CES3: variants seen among roughly 807,000 people sequenced by gnomAD.
The protein encoded by CES3 is carboxylesterase 3.
CES3 carries 49 observed loss-of-function variants against 57.6 expected under a neutral mutation model. The ratio of observed to expected loss-of-function variants is 0.85; its 90% confidence interval spans 0.68 to 1.08. The LOEUF (loss-of-function observed/expected upper bound fraction) is 1.08. Ranked by LOEUF, CES3 falls within the 50% of genes least tolerant of loss-of-function variation. CES3 has a pLI of 0.00. For missense variants in CES3, 645 were observed against 742.0 expected (o/e 0.87, Z 1.52); for synonymous variants, 266 against 281.6 (o/e 0.94, Z 0.55).
chr16:66,964,090 C>G (rs1963694785), intron 4 of CES3, among the ~76,000 whole-genome samples, 155 bp downstream of exon 4: 1 of 152,184 alleles, frequency 6.6e-6, no homozygotes. Context: ...AGCCTCCACC[C>G]TGGGAGAGGG....
At chr16:66,966,200 C>T in intron 6 of CES3, 44 bp from the exon 7 acceptor site, 1 of 1,569,752 alleles carries the variant, frequency 6.4e-7, no homozygotes, top group Non-Finnish European at 8.7e-7. Flanking sequence ...CAAGGTGGGG[C>T]TGAGTGGCTG....
chr16:66,967,650 T>TAGAAGACAG (rs1390961959), intron 8 of CES3: 5 of 984,614 alleles, frequency 5.1e-6, no homozygotes, highest in Non-Finnish European at 6.0e-6. Context: ...CTTATTCTTC[T>TAGAAGACAG]ACCCATCTTC....
chr16:66,974,321 C>G lies in CES3; in HGVS notation c.*1272C>G, dbSNP rs545342002. ...GAACCGGGGCTGCGCGCAGCGCTTG[C>G]GGGCCAGAGTGAGTTCCGGGTGGGC... is the stretch of plus-strand genomic sequence containing the variant. On this transcript the variant is annotated 3_prime_UTR_variant, in exon 13 of 13. Coordinates refer to ENST00000303334, the MANE Select transcript of CES3 (RefSeq NM_024922.6). 6.6e-6 allele frequency: 1 copy of G among 152,456 alleles called. No homozygotes were observed. Among genetic ancestry groups the G allele is most frequent in the East Asian group, 1.9e-4 (1 of 5,188 alleles). 9.4% of individuals were successfully genotyped at this position (152,456 alleles called of 1,614,324 possible).
chr16:66,963,256 G>C lies in CES3; in HGVS notation c.160G>C (p.Asp54His), dbSNP rs374958443. 2.5e-6 allele frequency: 4 copies of C among 1,613,982 alleles called. No homozygotes were observed. In the African/African-American group the frequency reaches 5.3e-5, roughly 22 times the overall value. ...RGRQVGVKGT[D>H]RLVNVFLGIP... ...CCGGCAGGTGGGCGTGAAGGGCACA[G>C]ACCGCCTTGTGAATGTCTTTCTGGG... is the stretch of plus-strand genomic sequence containing the variant. The change falls in exon 2 of 13, where the codon GAC (aspartate) becomes CAC (histidine). Residue 54 changes from aspartate (D) to histidine (H), a missense_variant. Asp to His is a moderately conservative substitution (Grantham distance 81). Coordinates refer to ENST00000303334, the MANE Select transcript of CES3 (RefSeq NM_024922.6). This position sits in a 1 kb window ranked among gnomAD's most constrained non-coding sequence, Gnocchi z 4.9.
At chr16:66,972,092 A>C (rs762333371) in intron 10 of CES3, among the ~76,000 whole-genome samples, 1 of 152,170 alleles carries the variant, frequency 6.6e-6, no homozygotes, top group Non-Finnish European at 1.5e-5. Context: ...AGCTGTGATC[A>C]TGCCACTGCA....
intron 6 of CES3, 117 bp from the exon 7 acceptor site, chr16:66,966,127 G>T: frequency 2.2e-6 from 2 of 890,682 alleles, no homozygotes; most frequent in Non-Finnish European, 3.5e-6. Flanking sequence ...TCTCGAGGCC[G>T]ATCTGTGACA....
intron 9 of CES3, 104 bp downstream of exon 9, chr16:66,969,863 G>T: frequency 1.0e-6 from 1 of 960,286 alleles, no homozygotes. Flanking sequence ...GACACCCACA[G>T]CTACCCACCT....
chr16:66,967,813 G>A (rs1963759627), intron 8 of CES3: 1 of 946,170 alleles, frequency 1.1e-6, no homozygotes, highest in South Asian at 4.9e-5. Context: ...CCAGGCTGCA[G>A]TGCAGCAGCG....
chr16:66,968,632 A>G (rs1263169431), intron 8 of CES3, among the ~76,000 whole-genome samples: 1 of 152,148 alleles, frequency 6.6e-6, no homozygotes, highest in Non-Finnish European at 1.5e-5. Flanking sequence ...ACAAAGCTTA[A>G]GCCGGGTGCG....
chr16:66,969,354 C>A (rs1047143401), intron 8 of CES3, among the ~76,000 whole-genome samples: 1 of 152,054 alleles, frequency 6.6e-6, no homozygotes, highest in African/African-American at 2.4e-5. Context: ...TGCGGTGAGC[C>A]GAGATTGCGC....
chr16:66,969,224 G>A (rs1963788536), intron 8 of CES3, among the ~76,000 whole-genome samples: 1 of 152,200 alleles, frequency 6.6e-6, no homozygotes, highest in Non-Finnish European at 1.5e-5. Flanking sequence ...TGGCCAACAT[G>A]GCATAACCCC....
In CES3 at chr16:66,963,184, G is replaced by T; in HGVS notation, c.88G>T (p.Glu30Ter). ...CCTTTCTGTCCTTCCCTCAGGGCCC[G>T]AAGTTGCTCAGCCTGAAGTAGACAC... ...LACPATATGPEVAQPEVDTTL... is the reference protein window; with the variant it reads ...LACPATATGP Residue 30 changes from glutamate (E) to a stop codon, truncating the protein, a stop_gained, in exon 2 of 13, where the codon GAA becomes TAA. Coordinates refer to ENST00000303334, the MANE Select transcript of CES3 (RefSeq NM_024922.6). LOFTEE classifies it high-confidence loss of function. The surrounding 1 kb of genome is among the most constrained non-coding windows in gnomAD (Gnocchi z 4.9). 2 of 1,614,238 alleles carry T rather than the reference G, an allele frequency of 1.2e-6. No homozygotes were observed. Among genetic ancestry groups the T allele is most frequent in the East Asian group, 2.2e-5 (1 of 44,888 alleles).
chr16:66,972,632 G>C (rs1191536529), intron 11 of CES3, 36 bp from the exon 12 acceptor site: 1 of 1,613,936 alleles, frequency 6.2e-7, no homozygotes, highest in South Asian at 1.1e-5. Flanking sequence ...GGTCCCACCT[G>C]ACTCTCGTTC....
intron 10 of CES3, 123 bp downstream of exon 10, chr16:66,971,442 G>A: frequency 2.2e-6 from 2 of 916,216 alleles, no homozygotes; most frequent in Non-Finnish European, 3.3e-6. Context: ...ACACCCCACT[G>A]CCCCCCACCA....
chr16:66,970,400 C>T (rs777657347), intron 9 of CES3, among the ~76,000 whole-genome samples: 2 of 152,218 alleles, frequency 1.3e-5, no homozygotes, highest in South Asian at 4.1e-4. Flanking sequence ...GGAGCCACCG[C>T]GCCCGGCGCT....
At chr16:66,970,269 C>T (rs1318283898) in intron 9 of CES3, among the ~76,000 whole-genome samples, 1 of 152,078 alleles carries the variant, frequency 6.6e-6, no homozygotes, top group Non-Finnish European at 1.5e-5. Flanking sequence ...CCACCATGCC[C>T]GGCTAATTTT....
chr16:66,970,957 C>T (rs980340368), intron 9 of CES3, among the ~76,000 whole-genome samples: 13 of 152,320 alleles, frequency 8.5e-5, no homozygotes, highest in Admixed American at 6.5e-4. Context: ...CACCTGTCTG[C>T]GATCACACAG....
At chr16:66,967,861 G>T in intron 8 of CES3, 1 of 669,570 alleles carries the variant, frequency 1.5e-6, no homozygotes, top group South Asian at 6.7e-5. Context: ...TCTCAGGCCC[G>T]AGCAATCCTC....
intron 1 of CES3, 131 bp downstream of exon 1, chr16:66,961,520 C>T: frequency 2.9e-6 from 2 of 694,572 alleles, no homozygotes; most frequent in Non-Finnish European, 5.1e-6. Flanking sequence ...GTTGTGCATT[C>T]TCTCTGGGCA....
Sources: allele counts gnomAD v4.1 joint callset (sites outside exome capture counted in the v4.1 genomes callset), GRCh38; gene constraint gnomAD v4.1.1; non-coding constraint Gnocchi (gnomAD v3.1); transcripts MANE v1.5; gene names NCBI Gene and HGNC (gene_info 2026-07-23, HGNC 2026-07-21).